The following CEP170 variants were observed in gnomAD, a reference collection of about 807,000 sequenced individuals.
The protein encoded by CEP170 is centrosomal protein of 170 kDa.
A neutral mutation model predicts 151.9 loss-of-function variants in CEP170; 21 were observed. The ratio of observed to expected loss-of-function variants is 0.14; its 90% CI spans 0.10 to 0.20. The LOEUF (loss-of-function observed/expected upper bound fraction) is 0.20, where lower values mean the gene tolerates loss of function less well. Ranked by LOEUF, CEP170 falls within the 10% of genes least tolerant of loss-of-function variation. The probability of loss-of-function intolerance (pLI) is 1.00; values close to 1 mark genes in which losing one functional copy is unlikely to be tolerated. For synonymous variants in CEP170, 356 were observed against 648.8 expected, an observed-to-expected ratio of 0.55 and a Z score of 6.86; for missense variants, 964 against 1,892.9, an observed-to-expected ratio of 0.51 and a Z score of 9.11.
At chr1:243,148,696 CA>C (rs1476826077) in intron 14 of CEP170, among the ~76,000 whole-genome samples, 2 of 152,126 alleles carry the variant, frequency 1.3e-5, no homozygotes, top group Non-Finnish European at 1.5e-5. Context: ...AAGTTTAATT[CA>C]TGTATTGATT....
At chr1:243,250,340 T>C (rs908266772) in intron 1 of CEP170, among the ~76,000 whole-genome samples, 8 of 152,230 alleles carry the variant, frequency 5.3e-5, no homozygotes, top group Non-Finnish European at 8.8e-5. Flanking sequence ...AGAATCATGA[T>C]TCAAGAAGAT....
chr1:243,194,830 A>T (rs1355980055), intron 7 of CEP170, among the ~76,000 whole-genome samples: 1 of 151,926 alleles, frequency 6.6e-6, no homozygotes, highest in Non-Finnish European at 1.5e-5. Flanking sequence ...TTATATTATT[A>T]ATCTCAATTA....
intron 1 of CEP170, among the ~76,000 whole-genome samples, chr1:243,251,024 T>C (rs2065889245): frequency 1.3e-5 from 2 of 152,178 alleles, no homozygotes; most frequent in African/African-American, 4.8e-5. Context: ...GTTGGAGGTG[T>C]CCTAACATTT....
intron 1 of CEP170, among the ~76,000 whole-genome samples, chr1:243,227,340 T>A (rs1415879074): frequency 2.0e-5 from 3 of 152,164 alleles, no homozygotes; most frequent in African/African-American, 7.2e-5. Context: ...CCCAAGTGTA[T>A]ATAACCAAAA....
chr1:243,165,882 T>A lies in CEP170; in HGVS notation c.2078A>T (p.Asp693Val). 1 of 1,613,926 alleles carries A rather than the reference T, an allele frequency of 6.2e-7. No homozygotes were observed. The highest frequency in any genetic ancestry group is 1.7e-5 in the Admixed American group (1 of 60,010). Residue 693 changes from aspartate to valine, a missense_variant, in exon 13 of 20, where the codon GAT becomes GTT. Asp to Val is a radical substitution (Grantham distance 152). Transcript: ENST00000366542. ...PTQVYQKDKQ[D>V]ADRPLSKMNR... is the part of the protein sequence containing the mutation. ...CATTTTACTCAAGGGTCTGTCAGCA[T>A]CTTGTTTATCTTTCTGGTATACCTG...
intron 1 of CEP170, among the ~76,000 whole-genome samples, chr1:243,244,955 G>A (rs956318364): frequency 6.6e-6 from 1 of 152,056 alleles, no homozygotes; most frequent in South Asian, 2.1e-4. Flanking sequence ...TAAGAAATTT[G>A]ACTATATACA....
chr1:243,212,237 A>G (rs916124988), intron 3 of CEP170, among the ~76,000 whole-genome samples: 5 of 152,218 alleles, frequency 3.3e-5, no homozygotes, highest in Admixed American at 1.3e-4. Flanking sequence ...TGCCAAGAAA[A>G]GCTCCTAATC....
intron 4 of CEP170, among the ~76,000 whole-genome samples, chr1:243,209,882 ATG>A (rs1397193613): frequency 1.3e-5 from 2 of 151,968 alleles, no homozygotes; most frequent in Admixed American, 6.6e-5. Flanking sequence ...TTTAGTAGAG[ATG>A]GGGTTTCACT....
intron 1 of CEP170, among the ~76,000 whole-genome samples, chr1:243,245,722 A>G (rs925001783): frequency 6.6e-6 from 1 of 151,950 alleles, no homozygotes; most frequent in African/African-American, 2.4e-5. Context: ...TCAAGAAAAC[A>G]AAACAAACAA....
chr1:243,240,535 A>T (rs1380938091), intron 1 of CEP170, among the ~76,000 whole-genome samples: 1 of 152,130 alleles, frequency 6.6e-6, no homozygotes, highest in East Asian at 1.9e-4. Context: ...TTTTACACAC[A>T]GGAACACTTC....
chr1:243,253,048 C>A (rs955479328), intron 1 of CEP170: 1 of 152,130 alleles, frequency 6.6e-6, no homozygotes, highest in African/African-American at 2.4e-5. Flanking sequence ...TAGAGTTGAT[C>A]ATCATACTAT....
chr1:243,153,664 T>C (rs1000904419), intron 14 of CEP170, among the ~76,000 whole-genome samples: 3 of 152,218 alleles, frequency 2.0e-5, no homozygotes, highest in African/African-American at 7.2e-5. Flanking sequence ...GGTATATACT[T>C]TTTTTAAGAA....
chr1:243,226,187 A>ATATATACC (rs113901460), intron 1 of CEP170, among the ~76,000 whole-genome samples: 7,054 of 33,302 alleles, frequency 0.21, 521 homozygotes, highest in African/African-American at 0.34. Context: ...ATATCTAGAT[A>ATATATACC]TATATATCTA....
At chr1:243,131,767 T>C (rs1272782675) in intron 17 of CEP170, among the ~76,000 whole-genome samples, 4 of 152,204 alleles carry the variant, frequency 2.6e-5, no homozygotes, top group South Asian at 2.1e-4. Context: ...GATTATATTA[T>C]AGATTCAAAA....
At chr1:243,214,578 G>A (rs368598238) in intron 3 of CEP170, among the ~76,000 whole-genome samples, 41 of 143,548 alleles carry the variant, frequency 2.9e-4, no homozygotes, top group Non-Finnish European at 5.5e-4. Flanking sequence ...GAGCTACTGC[G>A]CCCAGCCAAA....
At chr1:243,224,198 CAA>C in intron 2 of CEP170, among the ~76,000 whole-genome samples, 1 of 152,228 alleles carries the variant, frequency 6.6e-6, no homozygotes. Flanking sequence ...TAAATCCTAA[CAA>C]AGACTGCTAA....
intron 1 of CEP170, among the ~76,000 whole-genome samples, chr1:243,233,417 T>G (rs200671032): frequency 6.6e-6 from 1 of 151,716 alleles, no homozygotes; most frequent in East Asian, 1.9e-4. Context: ...AGGTTTAAAA[T>G]TACATACATT....
intron 10 of CEP170, among the ~76,000 whole-genome samples, chr1:243,176,424 C>G (rs2970423): frequency 1.3e-5 from 2 of 151,252 alleles, no homozygotes; most frequent in Non-Finnish European, 2.9e-5. Context: ...CTCATTCGTA[C>G]TGGGCGTAGG....
chr1:243,124,546 A>C lies in CEP170; in HGVS notation c.*1903T>G, dbSNP rs1201946422. 1 of 152,658 alleles carries C rather than the reference A, an allele frequency of 6.6e-6. No individual in the cohort carries two copies. Among genetic ancestry groups the C allele is most frequent in the East Asian group, 1.9e-4 (1 of 5,206 alleles). 9.5% of individuals were successfully genotyped at this position (152,658 alleles called of 1,614,324 possible). On this transcript the variant is annotated 3_prime_UTR_variant, in exon 20 of 20. Coordinates refer to ENST00000366542, the MANE Select transcript of CEP170 (RefSeq NM_014812.3). Reference sequence around the variant, plus strand: ...TAATGTATTCATACAAAATAAAAATAACATAGTAAAAGGCCAAATGTTTAT... The same window carrying C: ...TAATGTATTCATACAAAATAAAAATCACATAGTAAAAGGCCAAATGTTTAT...
Sources: gnomAD v4.1 joint callset for allele counts (sites outside exome capture counted in the v4.1 genomes callset) on GRCh38, gnomAD v4.1.1 for gene constraint, MANE v1.5 for transcripts, NCBI Gene and HGNC (gene_info 2026-07-23, HGNC 2026-07-21) for gene names.